Variants in KANSL1 observed in about 807,000 individuals in gnomAD.
KANSL1 encodes KAT8 regulatory NSL complex subunit 1.
A neutral mutation model predicts 103.6 loss-of-function variants in KANSL1; 22 were observed. The ratio of observed to expected loss-of-function variants is 0.21; its 90% CI spans 0.15 to 0.30. The LOEUF (loss-of-function observed/expected upper bound fraction) is 0.30, where lower values mean the gene tolerates loss of function less well. KANSL1 is among the 10% of genes least tolerant of loss of function. KANSL1 has a pLI of 1.00. For missense variants in KANSL1, 1,337 were observed against 1,399.8 expected (o/e 0.96, Z 0.72); for synonymous variants, 600 against 527.6 (o/e 1.14, Z -1.88).
intron 2 of KANSL1, among the ~76,000 whole-genome samples, chr17:46,118,779 C>T (rs1463190700): frequency 1.3e-5 from 2 of 152,184 alleles, no homozygotes; most frequent in African/African-American, 2.4e-5. Flanking sequence ...GACGGATAAA[C>T]AACCAATAGT....
At chr17:46,062,134 A>AAAAAAAAAAAAAAAAAAAAAAAC (rs67483415) in intron 6 of KANSL1, among the ~76,000 whole-genome samples, 3 of 132,850 alleles carry the variant, frequency 2.3e-5, no homozygotes, top group Non-Finnish European at 4.9e-5. Context: ...AAAAAAAAAA[A>AAAAAAAAAAAAAAAAAAAAAAAC]CATGTTACAG....
In KANSL1 at chr17:46,170,867, C is replaced by G. The variant is rs764291274; in HGVS notation, c.1277G>C (p.Arg426Pro). Reference sequence around the variant, plus strand: ...GAGGTCTACTCACAGGGGTACATGACGCTGCTCGGGATCAGCTCTGGTCAG... The same window carrying G: ...GAGGTCTACTCACAGGGGTACATGAGGCTGCTCGGGATCAGCTCTGGTCAG... ...EELTRADPEQ[R>P]HVPLRRRSEW... The change falls in exon 2 of 15, where the codon CGT becomes CCT. Residue 426 changes from arginine to proline, a missense_variant. Arg to Pro is a moderately radical substitution (Grantham distance 103). This residue lies in a region of KANSL1 where 780 missense variants were observed against 923.4 expected (regional missense o/e 0.84). Coordinates refer to ENST00000432791, the MANE Select transcript of KANSL1 (RefSeq NM_015443.4). 20 of 1,605,116 alleles carry G rather than the reference C, an allele frequency of 1.2e-5. No homozygotes were observed. Among genetic ancestry groups the G allele is most frequent in the African/African-American group, 8.0e-5 (6 of 74,566 alleles).
At chr17:46,061,269 T>G (rs1166027485) in intron 6 of KANSL1, among the ~76,000 whole-genome samples, 1 of 152,180 alleles carries the variant, frequency 6.6e-6, no homozygotes, top group Non-Finnish European at 1.5e-5. Flanking sequence ...TGTCTTATGG[T>G]TTAATTATAA....
intron 2 of KANSL1, among the ~76,000 whole-genome samples, chr17:46,128,271 C>G (rs1230335887): frequency 6.6e-6 from 1 of 152,210 alleles, no homozygotes; most frequent in Non-Finnish European, 1.5e-5. Flanking sequence ...ATGATAGGCC[C>G]TCTCACAGAA....
Position 46,063,868 on chromosome 17 carries a change from A to C in KANSL1, c.1848+2669T>G, listed in dbSNP as rs1281782666. Among the ~76,000 whole-genome samples, 8 of 150,558 alleles carry C rather than the reference A, an allele frequency of 5.3e-5. No individual in the cohort carries two copies. The Admixed American group carries it at 5.3e-4, about 10-fold the overall frequency. On this transcript the variant is annotated intron_variant, in intron 6 of 14. Transcript: ENST00000432791. The stretch of plus-strand genomic sequence containing the variant: ...GGCTGGTAAACTGCCAAAACAGAGG[A>C]AGGGTGCTTTATTTTCATGAGGTGG...
chr17:46,213,366 T>C (rs2048227904), intron 1 of KANSL1, among the ~76,000 whole-genome samples: 1 of 152,220 alleles, frequency 6.6e-6, no homozygotes, highest in Admixed American at 6.5e-5. Context: ...AGTGGCGTGA[T>C]CTCAGCTCAC....
chr17:46,070,044 G>A (rs978386007), intron 4 of KANSL1, among the ~76,000 whole-genome samples: 6 of 152,062 alleles, frequency 3.9e-5, no homozygotes, highest in Non-Finnish European at 5.9e-5. Flanking sequence ...AAAGCAACAC[G>A]GTATTAAGCA....
At chr17:46,105,225 A>G (rs192686296) in intron 2 of KANSL1, among the ~76,000 whole-genome samples, 25 of 152,380 alleles carry the variant, frequency 1.6e-4, no homozygotes, top group Admixed American at 1.2e-3. Flanking sequence ...CAGCTCCTCC[A>G]GAGTGAATTA....
intron 2 of KANSL1, among the ~76,000 whole-genome samples, chr17:46,124,217 G>A (rs1038279276): frequency 1.3e-5 from 2 of 152,284 alleles, no homozygotes. Context: ...TGGGCAACAC[G>A]GCAAGACCCC....
chr17:46,188,172 G>T (rs1213439589), intron 1 of KANSL1, among the ~76,000 whole-genome samples: 3 of 152,140 alleles, frequency 2.0e-5, no homozygotes, highest in Non-Finnish European at 4.4e-5. Flanking sequence ...GACACCCAAG[G>T]ATATCACTTA....
In KANSL1 at chr17:46,105,906, G is replaced by GACACACACACACAC. The variant is rs773000790; in HGVS notation, c.1290-11219_1290-11206dup. Among the ~76,000 whole-genome samples, 13 of 95,264 alleles carry GACACACACACACAC rather than the reference G, an allele frequency of 1.4e-4. 1 individual carries two copies. Among genetic ancestry groups the GACACACACACACAC allele is most frequent in the African/African-American group, 4.5e-4 (10 of 22,050 alleles). 62.5% of individuals were successfully genotyped at this position (95,264 alleles called of 152,430 possible). On this transcript the variant is annotated intron_variant, in intron 2 of 14. Coordinates refer to ENST00000432791, the MANE Select transcript of KANSL1 (RefSeq NM_015443.4). ...ACACACACACACAGAGCAAGGCCTT[G>GACACACACACACAC]ACACACACACACACACACACACACA...
intron 2 of KANSL1, among the ~76,000 whole-genome samples, chr17:46,132,959 A>G (rs2043941743): frequency 6.6e-6 from 1 of 152,148 alleles, no homozygotes; most frequent in Non-Finnish European, 1.5e-5. Context: ...AAACAAAAGT[A>G]AGCAGATGGA....
At chr17:46,210,488 A>AG (rs1364947941) in intron 1 of KANSL1, among the ~76,000 whole-genome samples, 9,704 of 135,738 alleles carry the variant, frequency 0.071, 2,119 homozygotes, top group East Asian at 0.16. Flanking sequence ...AAAAAAAAAA[A>AG]AAAAAAAAAA....
chr17:46,094,679 A>C lies in KANSL1; in HGVS notation c.1312T>G (p.Trp438Gly), dbSNP rs773797719. 1.2e-6 allele frequency: 2 copies of C among 1,614,194 alleles called. No individual in the cohort carries two copies. The highest frequency in any genetic ancestry group is 1.7e-6 in the Non-Finnish European group (2 of 1,180,052). ...ACAATAGCTGCCCGGTCTGCAGCCC[A>C]TTTCCATTCTGACCTGCGTCTCCTA... ...VPLRRRSEWK[W>G]AADRAAIVSR... Residue 438 changes from tryptophan (W) to glycine (G), a missense_variant, in exon 3 of 15, where the codon TGG becomes GGG. Trp to Gly is a radical substitution (Grantham distance 184, BLOSUM62 -2). Transcript: ENST00000432791.
chr17:46,083,095 A>G (rs1019987153), intron 3 of KANSL1, among the ~76,000 whole-genome samples: 1 of 152,222 alleles, frequency 6.6e-6, no homozygotes, highest in Non-Finnish European at 1.5e-5. Flanking sequence ...ACTTCAGATT[A>G]AGTTCCTGCT....
In KANSL1 at chr17:46,071,619, C is replaced by T. The variant is rs556002960; in HGVS notation, c.1534-3952G>A. Among the ~76,000 whole-genome samples, 12 of 152,232 alleles carry T rather than the reference C, an allele frequency of 7.9e-5. No homozygotes were observed. The South Asian group carries it at 2.3e-3, about 29-fold the overall frequency. On this transcript the variant is annotated intron_variant, in intron 4 of 14. Coordinates refer to ENST00000432791, the MANE Select transcript of KANSL1 (RefSeq NM_015443.4). The stretch of plus-strand genomic sequence containing the variant: ...ACAAACACTTAAGAAATATTAAATC[C>T]GCATACTAATTTCAGCTTATTACTA...
intron 1 of KANSL1, among the ~76,000 whole-genome samples, chr17:46,177,230 G>A (rs927459211): frequency 7.2e-5 from 11 of 152,166 alleles, no homozygotes; most frequent in East Asian, 1.9e-4. Context: ...ACTTGGCCAC[G>A]TACCTGGAGC....
At chr17:46,163,604 T>C (rs1415937966) in intron 2 of KANSL1, among the ~76,000 whole-genome samples, 1 of 152,242 alleles carries the variant, frequency 6.6e-6, no homozygotes, top group Non-Finnish European at 1.5e-5. Context: ...GTAAAGAACC[T>C]GGACTCTCAT....
At chr17:46,182,622 A>G (rs2046844457) in intron 1 of KANSL1, among the ~76,000 whole-genome samples, 1 of 152,276 alleles carries the variant, frequency 6.6e-6, no homozygotes, top group Admixed American at 6.5e-5. Flanking sequence ...AATGTTGTTC[A>G]CTAACATTAA....
Sources: gnomAD v4.1 joint callset for allele counts (sites outside exome capture counted in the v4.1 genomes callset) on GRCh38, gnomAD v4.1.1 for gene constraint, gnomAD v4.1.1 regional missense constraint, MANE v1.5 for transcripts, NCBI Gene and HGNC (gene_info 2026-07-23, HGNC 2026-07-21) for gene names.